The following CNTN1 variants were observed in gnomAD, a reference collection of about 807,000 sequenced individuals.
The protein encoded by CNTN1 is contactin 1.
Under a neutral mutation model 126.4 loss-of-function variants are expected in CNTN1, and 38 were observed. The observed-to-expected ratio is 0.30, with a 90% CI of 0.23 to 0.39. The LOEUF (loss-of-function observed/expected upper bound fraction) is 0.39, where lower values mean the gene tolerates loss of function less well. Among genes scored for constraint, CNTN1 ranks in the 10% least tolerant of loss-of-function variants. The pLI is 1.00. For missense variants in CNTN1, 1,009 were observed against 1,248.4 expected (o/e 0.81, Z 2.89); for synonymous variants, 413 against 422.6 (o/e 0.98, Z 0.28).
At chr12:40,900,372 A>T (rs1944561971) in intron 1 of CNTN1, among the ~76,000 whole-genome samples, 1 of 152,196 alleles carries the variant, frequency 6.6e-6, no homozygotes, top group South Asian at 2.1e-4. Context: ...AATTTCAGGA[A>T]ACCATCATTT....
At chr12:40,998,483 A>C (rs1028850853) in intron 17 of CNTN1, among the ~76,000 whole-genome samples, 7 of 152,128 alleles carry the variant, frequency 4.6e-5, no homozygotes, top group African/African-American at 7.2e-5. Flanking sequence ...AGACATAACT[A>C]TCTGTGACCC....
chr12:40,965,996 C>CA (rs1947293086), intron 15 of CNTN1, among the ~76,000 whole-genome samples: 1 of 127,576 alleles, frequency 7.8e-6, no homozygotes, highest in Non-Finnish European at 1.6e-5. Flanking sequence ...CACCTCATCA[C>CA]ACCACACACA....
At chr12:40,953,746 T>C (rs1444421817) in intron 14 of CNTN1, among the ~76,000 whole-genome samples, 1 of 151,984 alleles carries the variant, frequency 6.6e-6, no homozygotes, top group East Asian at 1.9e-4. Context: ...TTCTAGGATA[T>C]AAAACAGTTT....
intron 17 of CNTN1, among the ~76,000 whole-genome samples, chr12:41,008,661 T>A (rs1414568625): frequency 6.6e-6 from 1 of 152,216 alleles, no homozygotes; most frequent in Non-Finnish European, 1.5e-5. Flanking sequence ...CAACCAACTA[T>A]TCTTTTTAGG....
At chr12:40,699,058 T>G (rs936899038) in intron 1 of CNTN1, among the ~76,000 whole-genome samples, 2 of 116,704 alleles carry the variant, frequency 1.7e-5, no homozygotes, top group African/African-American at 3.2e-5. Context: ...TCCCCTGAAT[T>G]CCCAGTCTTA....
rs541792790 is a variant in CNTN1 at position 40,780,170 on chromosome 12, T to C, written c.-77+87578T>C. Among the ~76,000 whole-genome samples the C allele has an allele frequency of 3.7e-4, 56 of 152,088 alleles. 2 individuals carry two copies. The South Asian group carries it at 0.012, about 32-fold the overall frequency. ...GTACAGGTATATGGAAGAAATTCTC[T>C]GTGAATTTTGTAATTCACAAATTTT... On this transcript the variant is annotated intron_variant, in intron 1 of 23. Transcript: ENST00000551295.
At chr12:40,861,029 A>T (rs1472507556) in intron 1 of CNTN1, among the ~76,000 whole-genome samples, 17 of 152,168 alleles carry the variant, frequency 1.1e-4, no homozygotes, top group Admixed American at 1.1e-3. Flanking sequence ...CAAAGACCAA[A>T]TATCTATGTT....
chr12:40,971,543 CTTT>C, intron 15 of CNTN1: 2 of 1,245,254 alleles, frequency 1.6e-6, no homozygotes, highest in Admixed American at 2.0e-5. Context: ...CTGTGAAAGA[CTTT>C]TTTTTTTTTA....
Position 40,918,664 on chromosome 12 carries a change from A to G in CNTN1, c.120A>G (p.Gly40=). The change falls in exon 4 of 24, where the codon GGA becomes GGG. Residue 40 remains glycine (G), a synonymous_variant. Coordinates refer to ENST00000551295, the MANE Select transcript of CNTN1 (RefSeq NM_001843.4). Reference sequence around the variant, plus strand: ...TTTCTGAGGAAGACAAAGGATTTGGACCAATTTTTGAAGAGCAGCCAATCA... The same window carrying G: ...TTTCTGAGGAAGACAAAGGATTTGGGCCAATTTTTGAAGAGCAGCCAATCA... The part of the protein sequence containing the change: ...HGVSEEDKGF[G]PIFEEQPINT... The G allele has an allele frequency of 6.2e-7, 1 of 1,613,414 alleles. No homozygotes were observed. The highest frequency in any genetic ancestry group is 8.5e-7 in the Non-Finnish European group (1 of 1,179,462).
chr12:40,879,485 T>G (rs983919807), intron 1 of CNTN1, among the ~76,000 whole-genome samples: 1 of 152,142 alleles, frequency 6.6e-6, no homozygotes, highest in African/African-American at 2.4e-5. Context: ...GAACCAAGAA[T>G]GTTCTCCTTC....
Position 40,694,660 on chromosome 12 carries a change from G to C in CNTN1, c.-77+2068G>C, listed in dbSNP as rs114682864. ...TACAAAATTTAATTCTGTGTTTTAA[G>C]AACAAAATTCTAACTTGCCAAGTCA... On this transcript the variant is annotated intron_variant, in intron 1 of 23. Transcript: ENST00000551295. Among the ~76,000 whole-genome samples the C allele has an allele frequency of 2.6e-3, 396 of 152,254 alleles. 1 individual carries two copies. Among genetic ancestry groups the C allele is most frequent in the Middle Eastern group, 0.01 (3 of 294 alleles).
intron 23 of CNTN1, among the ~76,000 whole-genome samples, chr12:41,035,093 G>T (rs553198774): frequency 1.2e-4 from 18 of 152,222 alleles, no homozygotes; most frequent in Non-Finnish European, 1.9e-4. Flanking sequence ...ACTAACCTAG[G>T]TTTTTTCAAA....
At chr12:40,872,571 C>CTTTTTTTTTTT (rs35866838) in intron 1 of CNTN1, among the ~76,000 whole-genome samples, 2 of 108,634 alleles carry the variant, frequency 1.8e-5, no homozygotes, top group Non-Finnish European at 3.6e-5. Context: ...TTTTTTCTTT[C>CTTTTTTTTTTT]TTTTTTTTTT....
intron 1 of CNTN1, among the ~76,000 whole-genome samples, chr12:40,805,571 T>C (rs774652208): frequency 1.3e-5 from 2 of 152,120 alleles, no homozygotes; most frequent in Non-Finnish European, 2.9e-5. Context: ...TTAAGGAAGG[T>C]TTCCCACTGT....
chr12:40,990,498 G>T (rs1190928308), intron 16 of CNTN1, among the ~76,000 whole-genome samples: 1 of 152,000 alleles, frequency 6.6e-6, no homozygotes, highest in Non-Finnish European at 1.5e-5. Flanking sequence ...CAAAGCCTTG[G>T]CTCCTCAGCT....
chr12:40,721,736 G>T (rs1424562940), intron 1 of CNTN1, among the ~76,000 whole-genome samples: 1 of 128,762 alleles, frequency 7.8e-6, no homozygotes, highest in Non-Finnish European at 1.6e-5. Context: ...AGAGTGTGAT[G>T]TTCCCCTTCC....
At chr12:40,733,178 C>T (rs1295353302) in intron 1 of CNTN1, among the ~76,000 whole-genome samples, 1 of 151,964 alleles carries the variant, frequency 6.6e-6, no homozygotes, top group Non-Finnish European at 1.5e-5. Context: ...GCTGATGTTA[C>T]ACTTGATTTG....
intron 14 of CNTN1, among the ~76,000 whole-genome samples, chr12:40,950,208 A>T (rs2136975917): frequency 6.6e-6 from 1 of 151,978 alleles, no homozygotes; most frequent in African/African-American, 2.4e-5. Context: ...ACCTAGTATT[A>T]TCTGGCCCAA....
chr12:40,693,841 C>A (rs1462432310), intron 1 of CNTN1, among the ~76,000 whole-genome samples: 1 of 152,188 alleles, frequency 6.6e-6, no homozygotes, highest in Non-Finnish European at 1.5e-5. Context: ...AGCATTCAGA[C>A]TGCTGAAACC....
Sources: gnomAD v4.1 joint callset for allele counts (sites outside exome capture counted in the v4.1 genomes callset) on GRCh38, gnomAD v4.1.1 for gene constraint, MANE v1.5 for transcripts, NCBI Gene and HGNC (gene_info 2026-07-23, HGNC 2026-07-21) for gene names.